ZNF274: variants seen among roughly 807,000 people sequenced by gnomAD.
ZNF274 encodes neurotrophin receptor-interacting factor homolog.
A neutral mutation model predicts 42.5 loss-of-function variants in ZNF274; 23 were observed. The observed-to-expected ratio is 0.54, with a 90% CI of 0.39 to 0.77. ZNF274 has a LOEUF of 0.77. ZNF274 is among the 30% of genes least tolerant of loss of function. The pLI is 0.00. For synonymous variants in ZNF274, 292 were observed against 305.4 expected, an observed-to-expected ratio of 0.96 and a Z score of 0.46; for missense variants, 679 against 806.5, an observed-to-expected ratio of 0.84 and a Z score of 1.91.
intron 4 of ZNF274, among the ~76,000 whole-genome samples, chr19:58,201,000 T>A (rs2075903107): frequency 6.7e-6 from 1 of 150,272 alleles, no homozygotes; most frequent in African/African-American, 2.5e-5. Context: ...CATACTGTTG[T>A]TTGTTTGTTT....
chr19:58,194,480 G>GCAATTCTCCTGCCTCAGCCTTCTGTGTA (rs2075816576), intron 4 of ZNF274, among the ~76,000 whole-genome samples: 1 of 141,184 alleles, frequency 7.1e-6, no homozygotes, highest in South Asian at 2.3e-4. Flanking sequence ...CCAGGTTCAG[G>GCAATTCTCCTGCCTCAGCCTTCTGTGTA]CAATTCTCCT....
Position 58,206,852 on chromosome 19 carries a change from C to T in ZNF274, c.389C>T (p.Ala130Val), listed in dbSNP as rs1350928085. The T allele has an allele frequency of 6.2e-7, 1 of 1,613,976 alleles. No individual in the cohort carries two copies. The highest frequency in any genetic ancestry group is 1.7e-5 in the Admixed American group (1 of 60,024). ...VAGPRNAQIQALYAEDGSLSA... is the reference protein window; with the variant it reads ...VAGPRNAQIQVLYAEDGSLSA... ...GGTCCCCGGAATGCCCAGATCCAGG[C>T]CCTATATGCTGAAGATGGAAGCCTG... Residue 130 changes from alanine to valine, a missense_variant, in exon 5 of 8, where the codon GCC (alanine) becomes GTC (valine). Ala to Val is a moderately conservative substitution (Grantham distance 64). Transcript: ENST00000617501.
At chr19:58,198,526 C>A (rs1317465527) in intron 4 of ZNF274, among the ~76,000 whole-genome samples, 1 of 152,146 alleles carries the variant, frequency 6.6e-6, no homozygotes, top group Non-Finnish European at 1.5e-5. Context: ...TGCGAACACA[C>A]AAACATGGTT....
At chr19:58,190,392 A>C (rs528147931) in intron 4 of ZNF274, among the ~76,000 whole-genome samples, 10 of 152,270 alleles carry the variant, frequency 6.6e-5, no homozygotes, top group African/African-American at 1.2e-4. Flanking sequence ...AATTGTGTGA[A>C]GCTCAGAGTT....
rs997837250 is a variant in ZNF274 at position 58,196,523 on chromosome 19, C to T, written c.256+9481C>T. 2.0e-5 allele frequency among the ~76,000 whole-genome samples: 3 copies of T among 151,714 alleles called. No individual in the cohort carries two copies. The East Asian group carries it at 5.8e-4, about 29-fold the overall frequency. ...GTTGCAGTGAGCTGGGATCCTGCCACTGCAGAAAAAAAAACAAAGTTAAGT... is the reference window on the plus strand; with the variant it reads ...GTTGCAGTGAGCTGGGATCCTGCCATTGCAGAAAAAAAAACAAAGTTAAGT... On this transcript the variant is annotated intron_variant, in intron 4 of 7. Coordinates refer to ENST00000617501, the MANE Select transcript of ZNF274 (RefSeq NM_133502.3).
At chr19:58,198,831 A>G (rs1337853290) in intron 4 of ZNF274, among the ~76,000 whole-genome samples, 1 of 142,456 alleles carries the variant, frequency 7.0e-6, no homozygotes, top group African/African-American at 2.5e-5. Context: ...TTTTTTTAGA[A>G]CAAATTGACC....
chr19:58,188,623 ATATATAT>A (rs1568697542), intron 4 of ZNF274, among the ~76,000 whole-genome samples: 610 of 21,670 alleles, frequency 0.028, 16 homozygotes, highest in Middle Eastern at 0.17. Flanking sequence ...AAAAAAAAAT[ATATATAT>A]ATATATATAT....
In ZNF274 at chr19:58,211,658, G is replaced by A. The variant is rs775121158; in HGVS notation, c.951G>A (p.Leu317=). 5 of 1,613,578 alleles carry A rather than the reference G, an allele frequency of 3.1e-6. No homozygotes were observed. The highest frequency in any genetic ancestry group is 3.3e-5 in the Admixed American group (2 of 59,986). Residue 317 remains leucine (L), a synonymous_variant, in exon 7 of 8, where the codon CTG becomes CTA. Coordinates refer to ENST00000617501, the MANE Select transcript of ZNF274 (RefSeq NM_133502.3). The surrounding 1 kb of genome is among the most constrained non-coding windows in gnomAD (Gnocchi z 4.8). ...TQRTEYRDVM[L]ETFGHLVSVG... is the part of the protein sequence containing the mutation. ...GGACCGAGTACCGCGATGTGATGCT[G>A]GAGACCTTTGGGCACCTGGTCTCTG...
In ZNF274 at chr19:58,183,557, C is replaced by T. The variant is rs538424723; in HGVS notation, c.-46+115C>T. ...TCCGCCGAGCTCGGGTACCCTGAGC[C>T]GGCCGTGCCTGCAGTCCTCCCGCCG... On this transcript the variant is annotated intron_variant, in intron 1 of 7. Coordinates refer to ENST00000617501, the MANE Select transcript of ZNF274 (RefSeq NM_133502.3). 24 of 176,184 alleles carry T rather than the reference C, an allele frequency of 1.4e-4. No homozygotes were observed. The East Asian group carries it at 3.6e-3, about 26-fold the overall frequency. The allele number at this position is 176,184 out of a possible 1,614,324, so 10.9% of individuals were successfully genotyped here.
Position 58,185,828 on chromosome 19 carries a change from G to A in ZNF274, c.150G>A (p.Leu50=). The part of the protein sequence containing the change: ...REVMLENYRN[L]VSVEHQLSKP... ...TGATGCTGGAGAACTACAGGAACCT[G>A]GTCTCAGTGGGTAAGGCTGGCCTCC... Residue 50 remains leucine, a synonymous_variant, in exon 3 of 8, where the codon CTG becomes CTA. Coordinates refer to ENST00000617501, the MANE Select transcript of ZNF274 (RefSeq NM_133502.3). 1 of 1,385,052 alleles carries A rather than the reference G, an allele frequency of 7.2e-7. No individual in the cohort carries two copies. Among genetic ancestry groups the A allele is most frequent in the Non-Finnish European group, 9.4e-7 (1 of 1,058,514 alleles). The allele number at this position is 1,385,052 out of a possible 1,614,324, so 85.8% of individuals were successfully genotyped here.
At chr19:58,203,850 C>A (rs956326179) in intron 4 of ZNF274, among the ~76,000 whole-genome samples, 3 of 152,222 alleles carry the variant, frequency 2.0e-5, no homozygotes, top group African/African-American at 4.8e-5. Context: ...AAAATCACTT[C>A]AAGCGTAGAC....
At chr19:58,192,916 T>C (rs1354429195) in intron 4 of ZNF274, among the ~76,000 whole-genome samples, 1 of 152,064 alleles carries the variant, frequency 6.6e-6, no homozygotes, top group East Asian at 1.9e-4. Context: ...GGCTAAGTTT[T>C]ATATTTTTTT....
chr19:58,206,634 G>T, intron 4 of ZNF274, 86 bp from the exon 5 acceptor site: 3 of 1,445,866 alleles, frequency 2.1e-6, no homozygotes, highest in East Asian at 2.5e-5. Flanking sequence ...CTGTGGTTTT[G>T]ACTTGCATTT....
At chr19:58,209,581 AG>A (rs1313277214) in intron 5 of ZNF274, 102 of 159,352 alleles carry the variant, frequency 6.4e-4, no homozygotes, top group Non-Finnish European at 7.7e-4. Flanking sequence ...CCAAATAGGC[AG>A]GGTGCAGGGC....
chr19:58,189,170 T>C (rs2075748962), intron 4 of ZNF274, among the ~76,000 whole-genome samples: 1 of 152,172 alleles, frequency 6.6e-6, no homozygotes, highest in Admixed American at 6.5e-5. Context: ...GATGTTAATA[T>C]TGAAATATCA....
chr19:58,194,461 C>T (rs1235704109), intron 4 of ZNF274, among the ~76,000 whole-genome samples: 3 of 140,882 alleles, frequency 2.1e-5, no homozygotes, highest in Admixed American at 1.5e-4. Flanking sequence ...TCACTGCAAC[C>T]TCCACCTCCC....
intron 2 of ZNF274, chr19:58,185,462 T>C (rs1429157394): frequency 2.2e-5 from 4 of 181,906 alleles, no homozygotes; most frequent in Non-Finnish European, 4.6e-5. Context: ...AATAAATAAA[T>C]AAAATGGACA....
chr19:58,198,940 G>C (rs1162528919), intron 4 of ZNF274, among the ~76,000 whole-genome samples: 1 of 151,896 alleles, frequency 6.6e-6, no homozygotes, highest in African/African-American at 2.4e-5. Context: ...CACCTTGGGA[G>C]GGTGAAGTGG....
chr19:58,211,493 T>G lies in ZNF274; in HGVS notation c.853-67T>G, dbSNP rs952518655. On this transcript the variant is annotated intron_variant, in intron 6 of 7. Coordinates refer to ENST00000617501, the MANE Select transcript of ZNF274 (RefSeq NM_133502.3). The surrounding 1 kb of genome is among the most constrained non-coding windows in gnomAD (Gnocchi z 4.8). ...TCTGTCAGAACCTCCCAGCTGGCCT[T>G]TCTTCTGCCCTCATTGACAACCCTC... 3.4e-5 allele frequency: 52 copies of G among 1,532,550 alleles called. No homozygotes were observed. The highest frequency in any genetic ancestry group is 4.4e-5 in the Non-Finnish European group (50 of 1,134,714). The allele number at this position is 1,532,550 out of a possible 1,614,324, so 94.9% of individuals were successfully genotyped here. A position where few individuals can be genotyped will look rare whatever the true frequency, so the allele number is the denominator to read the frequency against.
Sources: gnomAD v4.1 joint callset for allele counts (sites outside exome capture counted in the v4.1 genomes callset) on GRCh38, gnomAD v4.1.1 for gene constraint, Gnocchi (gnomAD v3.1) non-coding constraint, MANE v1.5 for transcripts, NCBI Gene and HGNC (gene_info 2026-07-23, HGNC 2026-07-21) for gene names.